The following DNAH6 variants were observed in gnomAD, a reference collection of about 807,000 sequenced individuals.
The protein encoded by DNAH6 is axonemal beta dynein heavy chain 6.
Under a neutral mutation model 491.4 loss-of-function variants are expected in DNAH6, and 340 were observed. The ratio of observed to expected loss-of-function variants is 0.69; its 90% CI spans 0.63 to 0.76. The LOEUF (loss-of-function observed/expected upper bound fraction) is 0.76, where lower values mean the gene tolerates loss of function less well. DNAH6 is among the 30% of genes least tolerant of loss of function. DNAH6 has a pLI of 0.00. For synonymous variants in DNAH6, 1,603 were observed against 1,686.1 expected (o/e 0.95, Z 1.21); for missense variants, 4,443 against 4,972.2 (o/e 0.89, Z 3.20).
At chr2:84,629,133 T>C (rs1480935222) in intron 29 of DNAH6, among the ~76,000 whole-genome samples, 1 of 152,188 alleles carries the variant, frequency 6.6e-6, no homozygotes, top group Non-Finnish European at 1.5e-5. Context: ...CACTGCTCTG[T>C]TTTTATGATT....
chr2:84,740,861 A>G (rs1026811279), intron 62 of DNAH6, among the ~76,000 whole-genome samples: 10 of 151,802 alleles, frequency 6.6e-5, no homozygotes, highest in Non-Finnish European at 8.8e-5. Context: ...ACCACCTACT[A>G]CTGGGGCACT....
intron 7 of DNAH6, among the ~76,000 whole-genome samples, chr2:84,548,005 G>A (rs1026618772): frequency 6.6e-6 from 1 of 152,178 alleles, no homozygotes; most frequent in African/African-American, 2.4e-5. Flanking sequence ...TAAATTGTAG[G>A]TAGAAAAGGA....
At chr2:84,784,858 A>G (rs1258847280) in intron 66 of DNAH6, 48 bp downstream of exon 66, 1 of 1,320,238 alleles carries the variant, frequency 7.6e-7, no homozygotes, top group African/African-American at 1.5e-5. Flanking sequence ...TGGTTTCAGA[A>G]TATTCACCTA....
chr2:84,809,900 A>G (rs1679796730), intron 72 of DNAH6, among the ~76,000 whole-genome samples: 1 of 152,026 alleles, frequency 6.6e-6, no homozygotes, highest in African/African-American at 2.4e-5. Flanking sequence ...CTTATATCCC[A>G]TTAGCCAAAA....
chr2:84,648,670 G>A (rs1237486915), intron 33 of DNAH6, among the ~76,000 whole-genome samples: 1 of 152,184 alleles, frequency 6.6e-6, no homozygotes, highest in East Asian at 1.9e-4. Flanking sequence ...GAATTGCTGC[G>A]ATCTCATGAT....
intron 2 of DNAH6, among the ~76,000 whole-genome samples, chr2:84,518,636 C>T (rs762241689): frequency 1.1e-4 from 16 of 152,140 alleles, no homozygotes; most frequent in Non-Finnish European, 1.3e-4. Flanking sequence ...TATCACTAAC[C>T]GTTGATGATT....
intron 70 of DNAH6, among the ~76,000 whole-genome samples, chr2:84,797,897 C>A (rs757758248): frequency 2.6e-5 from 4 of 152,176 alleles, no homozygotes; most frequent in Non-Finnish European, 5.9e-5. Flanking sequence ...CATCTCCAGG[C>A]CTTCTGCCTA....
intron 31 of DNAH6, 58 bp downstream of exon 31, chr2:84,637,435 C>T (rs571163365): frequency 3.1e-4 from 445 of 1,451,224 alleles, no homozygotes; most frequent in Non-Finnish European, 3.9e-4. Flanking sequence ...ATTTACCATT[C>T]GATTCTATCA....
intron 11 of DNAH6, among the ~76,000 whole-genome samples, chr2:84,561,862 A>G (rs1292627509): frequency 2.6e-5 from 4 of 152,222 alleles, no homozygotes; most frequent in Admixed American, 6.5e-5. Context: ...AGTTTTCAAC[A>G]TGCAAGAACC....
intron 21 of DNAH6, 31 bp downstream of exon 21, chr2:84,607,126 C>G (rs1235623670): frequency 3.9e-6 from 6 of 1,540,094 alleles, no homozygotes; most frequent in Non-Finnish European, 5.3e-6. Flanking sequence ...TTCATACACT[C>G]AGAGAATTGG....
chr2:84,805,998 T>C (rs1455969734), intron 71 of DNAH6, among the ~76,000 whole-genome samples: 1 of 152,116 alleles, frequency 6.6e-6, no homozygotes, highest in African/African-American at 2.4e-5. Flanking sequence ...TAGGAGGAAA[T>C]TGGTTTCCAG....
chr2:84,580,370 T>G (rs1041764143), intron 14 of DNAH6, among the ~76,000 whole-genome samples: 32 of 151,986 alleles, frequency 2.1e-4, no homozygotes, highest in African/African-American at 7.0e-4. Context: ...CTCTTTTGCT[T>G]CTTTTTCTCC....
At chr2:84,644,309 T>G (rs1286925839) in intron 33 of DNAH6, among the ~76,000 whole-genome samples, 1 of 152,236 alleles carries the variant, frequency 6.6e-6, no homozygotes, top group East Asian at 1.9e-4. Context: ...TTAACTCTCC[T>G]GGCTTCTCCT....
At chr2:84,515,873 G>A (rs1468525702), upstream of DNAH6, among the ~76,000 whole-genome samples, 2 of 152,182 alleles carry the variant, frequency 1.3e-5, no homozygotes, top group African/African-American at 4.8e-5. Context: ...AGGGGCACGG[G>A]AACCAAGTAA....
intron 4 of DNAH6, among the ~76,000 whole-genome samples, chr2:84,534,329 G>T (rs978064112): frequency 2.0e-5 from 3 of 151,862 alleles, no homozygotes; most frequent in African/African-American, 7.3e-5. Flanking sequence ...TCTAATATTT[G>T]TATGGTTACC....
Position 84,573,555 on chromosome 2 carries a change from T to G in DNAH6, c.1892T>G (p.Leu631Arg). The change falls in exon 12 of 77, where the codon CTT (leucine) becomes CGT (arginine). Residue 631 changes from leucine to arginine, a missense_variant. Physicochemically the swap from Leu to Arg is moderately radical, Grantham distance 102. This residue lies in a region of DNAH6 where 2,977 missense variants were observed against 3,296.6 expected (regional missense o/e 0.90). Transcript: ENST00000389394. Reference sequence around the variant, plus strand: ...ATATTCTTCAAGGAAAATGAAAGTCTTGATTTACAAGCTCTTAAACTTCAG... The same window carrying G: ...ATATTCTTCAAGGAAAATGAAAGTCGTGATTTACAAGCTCTTAAACTTCAG... ...FQIFFKENES[L>R]DLQALKLQEP... 6.3e-7 allele frequency: 1 copy of G among 1,588,734 alleles called. No homozygotes were observed. Among genetic ancestry groups the G allele is most frequent in the Non-Finnish European group, 8.5e-7 (1 of 1,173,078 alleles).
intron 42 of DNAH6, among the ~76,000 whole-genome samples, chr2:84,681,749 A>C (rs1573467834): frequency 6.6e-6 from 1 of 151,798 alleles, no homozygotes; most frequent in East Asian, 1.9e-4. Context: ...ACTGAAAAAA[A>C]AAAAAAAATA....
intron 31 of DNAH6, among the ~76,000 whole-genome samples, chr2:84,640,012 C>A (rs1039800939): frequency 6.6e-6 from 1 of 152,176 alleles, no homozygotes; most frequent in African/African-American, 2.4e-5. Flanking sequence ...CTTGACTCCT[C>A]GGGAAACTAA....
Position 84,808,516 on chromosome 2 carries a change from T to C in DNAH6, c.11713T>C (p.Phe3905Leu), listed in dbSNP as rs1679656178. Residue 3905 changes from phenylalanine (F) to leucine (L), a missense_variant, in exon 72 of 77, where the codon TTT becomes CTT. Phe to Leu is a conservative substitution (Grantham distance 22). Coordinates refer to ENST00000389394, the MANE Select transcript of DNAH6 (RefSeq NM_001370.2). ...TTVLGQEVDR[F>L]NNLLKLIHTS... ...CGTTCTTGGACAGGAAGTGGACCGG[T>C]TTAACAACCTGCTGAAGTTAATTCA... 2 of 1,551,788 alleles carry C rather than the reference T, an allele frequency of 1.3e-6. No individual in the cohort carries two copies. The highest frequency in any genetic ancestry group is 2.4e-5 in the South Asian group (2 of 84,050).
Sources: gnomAD v4.1 joint callset for allele counts (sites outside exome capture counted in the v4.1 genomes callset) on GRCh38, gnomAD v4.1.1 for gene constraint, gnomAD v4.1.1 regional missense constraint, MANE v1.5 for transcripts, NCBI Gene and HGNC (gene_info 2026-07-23, HGNC 2026-07-21) for gene names.